Variants in HDGFL3 observed in about 807,000 individuals in gnomAD.
The protein encoded by HDGFL3 is hepatoma-derived growth factor-related protein 3.
HDGFL3 carries 6 observed loss-of-function variants against 27.6 expected under a neutral mutation model. The observed-to-expected ratio is 0.22, with a 90% CI of 0.12 to 0.43. The LOEUF is 0.43. Among genes scored for constraint, HDGFL3 ranks in the 20% least tolerant of loss-of-function variants. The pLI, the probability that HDGFL3 is intolerant of heterozygous loss-of-function variation, is 1.00. For missense variants in HDGFL3, 207 were observed against 250.1 expected (o/e 0.83, Z 1.16); for synonymous variants, 88 against 88.9 (o/e 0.99, Z 0.05).
At chr15:83,155,777 A>AT (rs2037022170) in intron 4 of HDGFL3, among the ~76,000 whole-genome samples, 1 of 152,234 alleles carries the variant, frequency 6.6e-6, no homozygotes, top group African/African-American at 2.4e-5. Context: ...TTCAGTCACT[A>AT]AACACCAGAA....
chr15:83,167,166 G>A (rs2037180457), intron 1 of HDGFL3, among the ~76,000 whole-genome samples: 1 of 152,116 alleles, frequency 6.6e-6, no homozygotes, highest in African/African-American at 2.4e-5. Context: ...TCGAACTAAA[G>A]GTTTGGAAAA....
At chr15:83,115,870 C>T (rs552226250) in intron 3 of HDGFL3, 17 of 1,614,048 alleles carry the variant, frequency 1.1e-5, no homozygotes, top group African/African-American at 4.0e-5. Flanking sequence ...GATTTACCAG[C>T]GTGGTGAACC....
In HDGFL3 at chr15:83,120,331, G is replaced by A. The variant is rs150041973; in HGVS notation, c.394-4590C>T. Among the ~76,000 whole-genome samples, 861 of 152,324 alleles carry A rather than the reference G, an allele frequency of 5.7e-3. 6 individuals carry two copies. The highest frequency in any genetic ancestry group is 0.019 in the African/African-American group (800 of 41,570). The stretch of plus-strand genomic sequence containing the variant: ...TGCACTAATCCCTGAAGTGAACGAC[G>A]TGCTCTTGGGCTGAATTTCTGCCCA... On this transcript the variant is annotated intron_variant, in intron 3 of 3. Coordinates refer to the HDGFL3 transcript ENST00000568294.
intron 4 of HDGFL3, among the ~76,000 whole-genome samples, chr15:83,154,596 G>A (rs928683740): frequency 6.6e-6 from 1 of 152,070 alleles, no homozygotes; most frequent in Non-Finnish European, 1.5e-5. Flanking sequence ...AAAATGTCAT[G>A]TTATAATGTG....
rs141804764 is a variant in HDGFL3 at position 83,206,055 on chromosome 15, G to T, written c.84+1276C>A. 3.9e-5 allele frequency among the ~76,000 whole-genome samples: 6 copies of T among 152,308 alleles called. No homozygotes were observed. In the East Asian group the frequency reaches 1.2e-3, roughly 29 times the overall value. Reference sequence around the variant, plus strand: ...CAGTTGAAATGATTAGTCCATAACAGAGCCTGAACCAGACACCAGGTCCCC... The same window carrying T: ...CAGTTGAAATGATTAGTCCATAACATAGCCTGAACCAGACACCAGGTCCCC... On this transcript the variant is annotated intron_variant, in intron 1 of 5. Coordinates refer to ENST00000299633, the MANE Select transcript of HDGFL3 (RefSeq NM_016073.4).
intron 4 of HDGFL3, among the ~76,000 whole-genome samples, chr15:83,151,587 AG>A (rs2036964665): frequency 6.6e-6 from 1 of 152,206 alleles, no homozygotes; most frequent in Admixed American, 6.5e-5. Context: ...GAAGTGGGCT[AG>A]GTGACCTCTT....
chr15:83,167,563 A>G lies in HDGFL3; in HGVS notation c.85-3488T>C, dbSNP rs886719383. Among the ~76,000 whole-genome samples the G allele has an allele frequency of 3.4e-5, 3 of 88,758 alleles. No homozygotes were observed. The South Asian group carries it at 8.2e-4, about 24-fold the overall frequency. 58.2% of individuals were successfully genotyped at this position (88,758 alleles called of 152,430 possible). A position where few individuals can be genotyped will look rare whatever the true frequency, so the allele number is the denominator to read the frequency against. Reference sequence around the variant, plus strand: ...TGGCAAAGTGAGACTCCATCTCAAGAAAAAAAAAAAAAAAAGTACAAAGAA... The same window carrying G: ...TGGCAAAGTGAGACTCCATCTCAAGGAAAAAAAAAAAAAAAGTACAAAGAA... On this transcript the variant is annotated intron_variant, in intron 1 of 5. Transcript: ENST00000299633.
intron 5 of HDGFL3, among the ~76,000 whole-genome samples, chr15:83,143,485 G>A (rs2036824218): frequency 6.6e-6 from 1 of 152,172 alleles, no homozygotes; most frequent in South Asian, 2.1e-4. Context: ...AGGAGGCTGA[G>A]GCAGGAGGAT....
chr15:83,189,210 C>T (rs560124596), intron 1 of HDGFL3, among the ~76,000 whole-genome samples: 2 of 152,216 alleles, frequency 1.3e-5, no homozygotes, highest in African/African-American at 4.8e-5. Flanking sequence ...CTCCCTTTGC[C>T]CCCAACAATC....
chr15:83,178,495 T>C (rs1252493235), intron 1 of HDGFL3, among the ~76,000 whole-genome samples: 1 of 152,070 alleles, frequency 6.6e-6, no homozygotes, highest in Non-Finnish European at 1.5e-5. Context: ...GCAGACCCCA[T>C]CTCTACAACA....
downstream of HDGFL3, among the ~76,000 whole-genome samples, chr15:83,126,389 T>C (rs568082348): frequency 1.1e-4 from 16 of 152,354 alleles, no homozygotes; most frequent in South Asian, 3.3e-3. Flanking sequence ...AAGATGAATT[T>C]GGTGTAGAAA....
chr15:83,146,625 C>T (rs2151396210), intron 5 of HDGFL3, among the ~76,000 whole-genome samples: 1 of 152,104 alleles, frequency 6.6e-6, no homozygotes, highest in South Asian at 2.1e-4. Flanking sequence ...CTTTACCCTA[C>T]TCTCTGCGAA....
chr15:83,136,910 GATC>G lies in HDGFL3; in HGVS notation c.*2357_*2359del, dbSNP rs1453493282. The G allele has an allele frequency of 2.5e-5, 8 of 323,360 alleles. No individual in the cohort carries two copies. Among genetic ancestry groups the G allele is most frequent in the Non-Finnish European group, 4.5e-5 (8 of 177,172 alleles). The allele number at this position is 323,360 out of a possible 1,614,324, so 20.0% of individuals were successfully genotyped here. A position where few individuals can be genotyped will look rare whatever the true frequency, so the allele number is the denominator to read the frequency against. On this transcript the variant is annotated 3_prime_UTR_variant, in exon 6 of 6. Coordinates refer to ENST00000299633, the MANE Select transcript of HDGFL3 (RefSeq NM_016073.4). The stretch of plus-strand genomic sequence containing the variant: ...TTCAAAATCATTTGTGAATAAACTT[GATC>G]ATCCATCTCAATATTGTTTGACATA...
Position 83,201,071 on chromosome 15 carries a change from T to C in HDGFL3, c.84+6260A>G, listed in dbSNP as rs2037639543. 2.6e-5 allele frequency among the ~76,000 whole-genome samples: 4 copies of C among 152,238 alleles called. No individual in the cohort carries two copies. In the South Asian group the frequency reaches 8.3e-4, roughly 32 times the overall value. ...CAACCCATTCCCCCTTTTACATAGT[T>C]GCCAATAGTTTAAATACACCATATG... On this transcript the variant is annotated intron_variant, in intron 1 of 5. Transcript: ENST00000299633.
At chr15:83,172,871 G>A (rs556521779) in intron 1 of HDGFL3, among the ~76,000 whole-genome samples, 1 of 152,026 alleles carries the variant, frequency 6.6e-6, no homozygotes, top group African/African-American at 2.4e-5. Flanking sequence ...TTCATCAAGC[G>A]GGAGTGGATC....
chr15:83,186,204 A>T (rs1204243220), intron 1 of HDGFL3: 2 of 152,230 alleles, frequency 1.3e-5, no homozygotes, highest in African/African-American at 4.8e-5. Context: ...CTAAATGTGT[A>T]TTGTTTTAAG....
intron 1 of HDGFL3, among the ~76,000 whole-genome samples, chr15:83,195,589 G>A (rs1183917152): frequency 2.0e-5 from 3 of 151,906 alleles, no homozygotes; most frequent in Non-Finnish European, 4.4e-5. Context: ...ACCCAGAAGA[G>A]ATACTCAATA....
exon 4 of HDGFL3, chr15:83,113,154 G>T (rs1020674334): frequency 2.5e-4 from 139 of 548,318 alleles, no homozygotes; most frequent in Non-Finnish European, 4.0e-4. Flanking sequence ...GCCAACCCCA[G>T]CATGCTTTGA....
downstream of HDGFL3, among the ~76,000 whole-genome samples, chr15:83,125,953 G>A (rs924036459): frequency 1.3e-5 from 2 of 152,160 alleles, no homozygotes; most frequent in Non-Finnish European, 2.9e-5. Context: ...TAGACCACAG[G>A]GCCACTGAAA....
Sources: gnomAD v4.1 joint callset for allele counts (sites outside exome capture counted in the v4.1 genomes callset) on GRCh38, gnomAD v4.1.1 for gene constraint, MANE v1.5 for transcripts, NCBI Gene and HGNC (gene_info 2026-07-23, HGNC 2026-07-21) for gene names.